CUX2: variants seen among roughly 807,000 people sequenced by gnomAD.
CUX2 encodes the protein homeobox protein cut-like 2.
In CUX2, 40 loss-of-function variants were observed where a neutral mutation model predicts 144.8. The observed-to-expected ratio is 0.28, with a 90% confidence interval of 0.21 to 0.36. The LOEUF is 0.36. Among genes scored for constraint, CUX2 ranks in the 10% least tolerant of loss-of-function variants. The pLI, the probability that CUX2 is intolerant of heterozygous loss-of-function variation, is 1.00. For missense variants in CUX2, 1,615 were observed against 1,994.0 expected, an observed-to-expected ratio of 0.81 and a Z score of 3.62; for synonymous variants, 827 against 875.6, an observed-to-expected ratio of 0.94 and a Z score of 0.98.
rs777545965 is a variant in CUX2 at position 111,308,299 on chromosome 12, T to C, written c.1124T>C (p.Met375Thr). 6.2e-6 allele frequency: 10 copies of C among 1,613,974 alleles called. No homozygotes were observed. The highest frequency in any genetic ancestry group is 8.5e-7 in the Non-Finnish European group (1 of 1,179,994). Residue 375 changes from methionine to threonine, a missense_variant, in exon 13 of 22, where the codon ATG becomes ACG. Physicochemically the swap from Met to Thr is moderately conservative, Grantham distance 81 (BLOSUM62 -1). This residue lies in a region of CUX2 where 57 missense variants were observed against 60.8 expected (regional missense o/e 0.94). Transcript: ENST00000261726. Reference sequence around the variant, plus strand: ...TGCTCTGGCAGCATCCTGAAAGCCATGAAGCTGGCCTCCAGCACCTGCAGC... The same window carrying C: ...TGCTCTGGCAGCATCCTGAAAGCCACGAAGCTGGCCTCCAGCACCTGCAGC... ...IKTELSILKA[M>T]KLASSTCSLP...
intron 9 of CUX2, among the ~76,000 whole-genome samples, chr12:111,303,969 G>A (rs1423256908): frequency 6.6e-6 from 1 of 152,094 alleles, no homozygotes; most frequent in Non-Finnish European, 1.5e-5. Context: ...CTCCTCAGAG[G>A]GGCATTTCTT....
chr12:111,196,138 C>T (rs1053193760), intron 1 of CUX2, among the ~76,000 whole-genome samples: 2 of 152,216 alleles, frequency 1.3e-5, no homozygotes, highest in African/African-American at 2.4e-5. Context: ...CAGCTTCTTA[C>T]ATTAGGTATA....
intron 1 of CUX2, among the ~76,000 whole-genome samples, chr12:111,086,264 C>T (rs76538958): frequency 0.014 from 2,075 of 152,282 alleles, 49 homozygotes; most frequent in African/African-American, 0.047. Flanking sequence ...GAGTTCAGAA[C>T]TTAAGATGAA....
chr12:111,040,837 C>T (rs545338693), intron 1 of CUX2, among the ~76,000 whole-genome samples: 121 of 152,296 alleles, frequency 7.9e-4, no homozygotes, highest in African/African-American at 2.5e-3. Context: ...AATGAATGGA[C>T]GTGGCTGTGT....
chr12:111,112,786 T>G lies in CUX2; in HGVS notation c.63+78546T>G, dbSNP rs3809299. 2.0e-5 allele frequency among the ~76,000 whole-genome samples: 3 copies of G among 152,196 alleles called. No individual in the cohort carries two copies. The East Asian group carries it at 5.8e-4, about 29-fold the overall frequency. On this transcript the variant is annotated intron_variant, in intron 1 of 21. Transcript: ENST00000261726. ...TTCAGCTGGACAAATGTCCCTTGCT[T>G]CTCCTGTGTTTTATATTATAACCCT...
At chr12:111,175,674 T>C (rs1230853091) in intron 1 of CUX2, among the ~76,000 whole-genome samples, 1 of 152,150 alleles carries the variant, frequency 6.6e-6, no homozygotes, top group African/African-American at 2.4e-5. Context: ...TGGCAATAAA[T>C]TGTGCTAATT....
chr12:111,234,602 G>T (rs1312059696), intron 3 of CUX2, among the ~76,000 whole-genome samples: 4 of 152,172 alleles, frequency 2.6e-5, no homozygotes, highest in Non-Finnish European at 5.9e-5. Context: ...TGGGCAGGAT[G>T]GAACATGGGG....
intron 4 of CUX2, among the ~76,000 whole-genome samples, chr12:111,268,916 C>T (rs1450836089): frequency 1.3e-5 from 2 of 152,214 alleles, no homozygotes; most frequent in South Asian, 2.1e-4. Flanking sequence ...CGCTCTCCCA[C>T]GGCACCCCGT....
intron 1 of CUX2, among the ~76,000 whole-genome samples, chr12:111,195,224 A>G (rs887139779): frequency 1.3e-5 from 2 of 152,130 alleles, no homozygotes; most frequent in Non-Finnish European, 2.9e-5. Flanking sequence ...TTCCTGCCCA[A>G]CGCACCTTTT....
chr12:111,056,969 G>C (rs753856990), intron 1 of CUX2, among the ~76,000 whole-genome samples: 4 of 151,596 alleles, frequency 2.6e-5, no homozygotes, highest in Non-Finnish European at 5.9e-5. Context: ...TGTGACAGGA[G>C]GATGTGTGGG....
intron 1 of CUX2, among the ~76,000 whole-genome samples, chr12:111,107,132 A>G (rs1873660229): frequency 1.3e-5 from 2 of 152,240 alleles, no homozygotes; most frequent in Non-Finnish European, 2.9e-5. Flanking sequence ...TTTACAGGTG[A>G]GGAAACTGAG....
chr12:111,054,701 A>ACGGCAGCCTCTGCCTCC (rs1448602816), intron 1 of CUX2, among the ~76,000 whole-genome samples: 9 of 152,194 alleles, frequency 5.9e-5, no homozygotes, highest in African/African-American at 2.2e-4. Context: ...ATCTTGGCTC[A>ACGGCAGCCTCTGCCTCC]CGGCAGCCTC....
At chr12:111,137,825 G>T (rs1876011346) in intron 1 of CUX2, among the ~76,000 whole-genome samples, 1 of 152,232 alleles carries the variant, frequency 6.6e-6, no homozygotes, top group Non-Finnish European at 1.5e-5. Flanking sequence ...AGCCCACCCA[G>T]AATTTGCTTA....
At chr12:111,276,643 G>GTT (rs149780623) in intron 4 of CUX2, among the ~76,000 whole-genome samples, 1 of 150,990 alleles carries the variant, frequency 6.6e-6, no homozygotes, top group African/African-American at 2.5e-5. Context: ...TTGTTTGTTT[G>GTT]TTTGTTTTGT....
At chr12:111,130,870 A>G (rs1236940581) in intron 1 of CUX2, among the ~76,000 whole-genome samples, 1 of 152,256 alleles carries the variant, frequency 6.6e-6, no homozygotes, top group Admixed American at 6.5e-5. Context: ...GCAACATTAA[A>G]TGCAGAATCT....
chr12:111,325,319 G>T (rs1887723739), intron 18 of CUX2, among the ~76,000 whole-genome samples: 1 of 151,790 alleles, frequency 6.6e-6, no homozygotes, highest in Non-Finnish European at 1.5e-5. Flanking sequence ...AAGCAGCCAT[G>T]CTAATGCTAA....
At chr12:111,294,866 C>G (rs1354128206) in intron 6 of CUX2, among the ~76,000 whole-genome samples, 2 of 151,992 alleles carry the variant, frequency 1.3e-5, no homozygotes, top group African/African-American at 4.8e-5. Flanking sequence ...TCACTGCACT[C>G]CAGCCTGGGC....
intron 3 of CUX2, among the ~76,000 whole-genome samples, chr12:111,248,854 A>C (rs1256185635): frequency 1.3e-5 from 2 of 152,232 alleles, no homozygotes; most frequent in Non-Finnish European, 2.9e-5. Flanking sequence ...TCTGGTTTTT[A>C]AATACTGGCT....
chr12:111,157,533 A>G lies in CUX2; in HGVS notation c.64-56667A>G, dbSNP rs112657073. On this transcript the variant is annotated intron_variant, in intron 1 of 21. Coordinates refer to ENST00000261726, the MANE Select transcript of CUX2 (RefSeq NM_015267.4). ...AGAGAATCAATGGAAAGGAGGAAGG[A>G]AGAGATGCCAAAAGGCCAGGTTCAA... Among the ~76,000 whole-genome samples the G allele has an allele frequency of 4.6e-3, 698 of 152,268 alleles. 10 individuals are homozygous for G. Among genetic ancestry groups the G allele is most frequent in the African/African-American group, 0.016 (670 of 41,532 alleles).
Sources: allele counts gnomAD v4.1 joint callset (sites outside exome capture counted in the v4.1 genomes callset), GRCh38; gene constraint gnomAD v4.1.1; regional missense constraint gnomAD v4.1.1; transcripts MANE v1.5; gene names NCBI Gene and HGNC (gene_info 2026-07-23, HGNC 2026-07-21).